The following SEPTIN14 variants were observed in gnomAD, a reference collection of about 807,000 sequenced individuals.
SEPTIN14 encodes septin 14, also known as septin-14.
Under a neutral mutation model 53.6 loss-of-function variants are expected in SEPTIN14, and 40 were observed. The ratio of observed to expected loss-of-function variants is 0.75; its 90% CI spans 0.58 to 0.97. The LOEUF (loss-of-function observed/expected upper bound fraction) is 0.97, where lower values mean the gene tolerates loss of function less well. Ranked by LOEUF, SEPTIN14 falls within the 50% of genes least tolerant of loss-of-function variation. The pLI is 0.00. For missense variants in SEPTIN14, 471 were observed against 508.2 expected, an observed-to-expected ratio of 0.93 and a Z score of 0.70; for synonymous variants, 138 against 166.8, an observed-to-expected ratio of 0.83 and a Z score of 1.33.
intron 6 of SEPTIN14, among the ~76,000 whole-genome samples, chr7:55,829,320 A>G (rs1328238828): frequency 6.6e-6 from 1 of 151,570 alleles, no homozygotes; most frequent in African/African-American, 2.4e-5. Context: ...CAGAGGTTGC[A>G]GTGAGCCAAG....
rs767408552 is a variant in SEPTIN14, at chr7:55,807,120, G to C, written c.956C>G (p.Thr319Arg). ...TGGCTGGTTGTTTGGACCCACATCT[G>C]TAAAGCCCATTTTCTGCAGTTTTTG... ...RYQKLQKMGF[T>R]DVGPNNQPVS... The change falls in exon 8 of 10, where the codon ACA becomes AGA. Residue 319 changes from threonine to arginine, a missense_variant. Transcript: ENST00000388975. The C allele has an allele frequency of 1.9e-6, 3 of 1,602,674 alleles. No individual in the cohort carries two copies. The highest frequency in any genetic ancestry group is 2.5e-6 in the Non-Finnish European group (3 of 1,176,808).
intron 5 of SEPTIN14, among the ~76,000 whole-genome samples, chr7:55,836,609 A>G (rs1789213104): frequency 6.6e-6 from 1 of 152,060 alleles, no homozygotes; most frequent in Non-Finnish European, 1.5e-5. Flanking sequence ...GTGTTGGCTC[A>G]TGCCTGTAAT....
In SEPTIN14 at chr7:55,842,973, T is replaced by C; in HGVS notation, c.527A>G (p.Asp176Gly). 6.5e-7 allele frequency: 1 copy of C among 1,545,408 alleles called. No individual in the cohort carries two copies. Among genetic ancestry groups the C allele is most frequent in the Non-Finnish European group, 8.7e-7 (1 of 1,148,420 alleles). The change falls in exon 5 of 10, where the codon GAT becomes GGT. Residue 176 changes from aspartate to glycine, a missense_variant. Coordinates refer to ENST00000388975, the MANE Select transcript of SEPTIN14 (RefSeq NM_207366.3). ...GTCAAGGTTCTTCATTGTTAATAGA[T>C]CAAGAGACTTCAGGGAATGTCCTGT... ...SPTGHSLKSL[D>G]LLTMKNLDSK...
chr7:55,810,506 GCT>G (rs1174427380), intron 7 of SEPTIN14, among the ~76,000 whole-genome samples: 2 of 114,142 alleles, frequency 1.8e-5, no homozygotes, highest in African/African-American at 7.2e-5. Context: ...GCAGAGTCTT[GCT>G]CTGTCACCCA....
At chr7:55,836,068 T>C (rs1196356603) in intron 5 of SEPTIN14, among the ~76,000 whole-genome samples, 1 of 152,054 alleles carries the variant, frequency 6.6e-6, no homozygotes, top group African/African-American at 2.4e-5. Flanking sequence ...AGGCCGTGTG[T>C]GTATGTATGT....
chr7:55,807,104 G>A lies in SEPTIN14; in HGVS notation c.972C>T (p.Asn324=). The change falls in exon 8 of 10, where the codon AAC becomes AAT. Residue 324 remains asparagine (N), a synonymous_variant. Coordinates refer to ENST00000388975, the MANE Select transcript of SEPTIN14 (RefSeq NM_207366.3). ...TTTTTACTCACCTAACTGGCTGGTT[G>A]TTTGGACCCACATCTGTAAAGCCCA... ...QKMGFTDVGP[N]NQPVSFQEIF... is the part of the protein sequence containing the mutation. 1.9e-6 allele frequency: 3 copies of A among 1,592,820 alleles called. No homozygotes were observed. Among genetic ancestry groups the A allele is most frequent in the Non-Finnish European group, 2.6e-6 (3 of 1,173,950 alleles).
intron 2 of SEPTIN14, among the ~76,000 whole-genome samples, chr7:55,849,369 G>A (rs1455705829): frequency 6.6e-6 from 1 of 151,592 alleles, no homozygotes; most frequent in East Asian, 1.9e-4. Flanking sequence ...TAGGAAATAG[G>A]TCTTAGAAAA....
intron 2 of SEPTIN14, among the ~76,000 whole-genome samples, chr7:55,858,199 T>G (rs1283220770): frequency 6.6e-6 from 1 of 152,104 alleles, no homozygotes; most frequent in Non-Finnish European, 1.5e-5. Context: ...CTAGAAGATG[T>G]GCAGAAATTC....
chr7:55,826,651 A>G (rs1788992548), intron 6 of SEPTIN14, among the ~76,000 whole-genome samples: 1 of 151,992 alleles, frequency 6.6e-6, no homozygotes, highest in Admixed American at 6.6e-5. Context: ...TACAAAAATT[A>G]GCCAATGTGA....
chr7:55,804,448 G>A lies in SEPTIN14; in HGVS notation c.1119+810C>T, dbSNP rs543288129. 2.2e-3 allele frequency among the ~76,000 whole-genome samples: 332 copies of A among 151,760 alleles called. 3 individuals carry two copies. The highest frequency in any genetic ancestry group is 4.7e-3 in the East Asian group (24 of 5,086). ...TAATTTTTATATTTTTAGTTGAGAC[G>A]GGGTTTCACCACGTTGGCCAGGCTG... On this transcript the variant is annotated intron_variant, in intron 9 of 9. Coordinates refer to ENST00000388975, the MANE Select transcript of SEPTIN14 (RefSeq NM_207366.3).
At chr7:55,804,512 A>G (rs1233562715) in intron 9 of SEPTIN14, among the ~76,000 whole-genome samples, 1 of 152,042 alleles carries the variant, frequency 6.6e-6, no homozygotes, top group African/African-American at 2.4e-5. Context: ...GCCCGCCTCC[A>G]TCTCCCAAAG....
intron 7 of SEPTIN14, chr7:55,811,224 T>A: frequency 1.9e-6 from 1 of 529,150 alleles, no homozygotes; most frequent in Non-Finnish European, 3.8e-6. Context: ...GCGCAGTGCC[T>A]TGGGGAGCCG....
intron 9 of SEPTIN14, among the ~76,000 whole-genome samples, chr7:55,804,008 C>T (rs1308427461): frequency 2.0e-5 from 3 of 150,290 alleles, no homozygotes; most frequent in East Asian, 4.0e-4. Flanking sequence ...CGGTGGTGAG[C>T]GCCTGTAGAC....
At chr7:55,828,869 A>G (rs1789037452) in intron 6 of SEPTIN14, among the ~76,000 whole-genome samples, 1 of 152,078 alleles carries the variant, frequency 6.6e-6, no homozygotes, top group Non-Finnish European at 1.5e-5. Context: ...CCTCTCTAGC[A>G]AGGCCAAGAC....
intron 6 of SEPTIN14, among the ~76,000 whole-genome samples, chr7:55,825,547 A>T (rs1426104855): frequency 6.6e-6 from 1 of 152,250 alleles, no homozygotes; most frequent in Non-Finnish European, 1.5e-5. Flanking sequence ...CAAATGCACC[A>T]CACTTAATGC....
intron 2 of SEPTIN14, among the ~76,000 whole-genome samples, chr7:55,855,048 G>A (rs941786662): frequency 1.4e-5 from 2 of 139,774 alleles, no homozygotes; most frequent in South Asian, 2.2e-4. Context: ...TCGCTCTTTC[G>A]CCCAGGCCGG....
chr7:55,859,151 C>CA (rs1216195753), intron 2 of SEPTIN14, among the ~76,000 whole-genome samples: 245 of 119,054 alleles, frequency 2.1e-3, no homozygotes, highest in African/African-American at 4.5e-3. Context: ...AACTCCATCT[C>CA]AAAAAAAAAA....
rs990458237 is a variant in SEPTIN14, at chr7:55,852,351, T to A, written c.55-5714A>T. On this transcript the variant is annotated intron_variant, in intron 2 of 9. Transcript: ENST00000388975. The stretch of plus-strand genomic sequence containing the variant: ...GCATGAAAACAGACATATAGACCAA[T>A]GGAACAGAATACAGAACTCAGAAAT... 2.6e-5 allele frequency among the ~76,000 whole-genome samples: 4 copies of A among 151,994 alleles called. No individual in the cohort carries two copies. The East Asian group carries it at 7.7e-4, about 29-fold the overall frequency.
At chr7:55,840,764 T>C (rs1246522880) in intron 5 of SEPTIN14, among the ~76,000 whole-genome samples, 7 of 152,140 alleles carry the variant, frequency 4.6e-5, no homozygotes, top group African/African-American at 7.2e-5. Context: ...TTAGGATATA[T>C]ACATATATTA....
Sources: allele counts gnomAD v4.1 joint callset (sites outside exome capture counted in the v4.1 genomes callset), GRCh38; gene constraint gnomAD v4.1.1; transcripts MANE v1.5; gene names NCBI Gene and HGNC (gene_info 2026-07-23, HGNC 2026-07-21).